TRIO: variants seen among roughly 807,000 people sequenced by gnomAD.
The protein encoded by TRIO is triple functional domain protein.
In TRIO, 58 loss-of-function variants were observed where a neutral mutation model predicts 351.9. The observed-to-expected ratio is 0.16, with a 90% CI of 0.13 to 0.21. TRIO has a LOEUF of 0.21. Among genes scored for constraint, TRIO ranks in the 10% least tolerant of loss-of-function variants. The pLI is 1.00. For synonymous variants in TRIO, 1,758 were observed against 1,595.7 expected (o/e 1.10, Z -2.42); for missense variants, 3,201 against 4,027.8 (o/e 0.79, Z 5.56).
intron 33 of TRIO, among the ~76,000 whole-genome samples, chr5:14,415,746 A>G (rs1370787657): frequency 6.6e-6 from 1 of 152,206 alleles, no homozygotes; most frequent in Non-Finnish European, 1.5e-5. Context: ...TGATTTTGCC[A>G]ATTGTCCATA....
chr5:14,144,016 C>G (rs1787336202), intron 1 of TRIO, 134 bp downstream of exon 1: 8 of 610,656 alleles, frequency 1.3e-5, no homozygotes, highest in Non-Finnish European at 1.5e-5. Context: ...CAGGCTCTCG[C>G]CTGGGACCAC....
intron 12 of TRIO, among the ~76,000 whole-genome samples, 153 bp downstream of exon 12, chr5:14,358,500 G>A (rs1387680059): frequency 6.6e-6 from 1 of 151,742 alleles, no homozygotes; most frequent in Non-Finnish European, 1.5e-5. Flanking sequence ...GAGAGAAACG[G>A]CTCTCTTCTC....
intron 11 of TRIO, among the ~76,000 whole-genome samples, chr5:14,342,191 C>A (rs1741996834): frequency 6.6e-6 from 1 of 152,212 alleles, no homozygotes; most frequent in African/African-American, 2.4e-5. Context: ...TCTCTGGCTT[C>A]TTGGTACGTG....
intron 34 of TRIO, among the ~76,000 whole-genome samples, chr5:14,447,558 A>G (rs538686793): frequency 1.1e-4 from 17 of 152,314 alleles, no homozygotes; most frequent in Non-Finnish European, 1.9e-4. Flanking sequence ...TTTGCCTGGG[A>G]GAGTCTTTTT....
rs1195604532 is a variant in TRIO, at chr5:14,406,816, G to C, written c.4959+144G>C. 1.1e-5 allele frequency: 8 copies of C among 756,342 alleles called. No homozygotes were observed. The Admixed American group carries it at 1.5e-4, about 15-fold the overall frequency. 46.9% of individuals were successfully genotyped at this position (756,342 alleles called of 1,614,324 possible). A position where few individuals can be genotyped will look rare whatever the true frequency, so the allele number is the denominator to read the frequency against. ...GCCAGGAGTGGTGCCAGGATCCCGT[G>C]GTGGGGCAGAGACTTGGGGGATTGG... On this transcript the variant is annotated intron_variant, in intron 33 of 56. Transcript: ENST00000344204.
rs769509085 is a variant in TRIO at position 14,471,448 on chromosome 5, G to A, written c.5894G>A (p.Ser1965Asn). Residue 1965 changes from serine (S) to asparagine (N), a missense_variant, in exon 38 of 57, where the codon AGC (serine) becomes AAC (asparagine). By Grantham distance (46) the Ser-to-Asn change is conservative. Coordinates refer to ENST00000344204, the MANE Select transcript of TRIO (RefSeq NM_007118.4). ...GATGAGATGGAAGAAAGGAAATCCA[G>A]CTCTTTAAAGAGAAGACAGTAAGAC... ...PIDEMEERKS[S>N]SLKRRHYVLQ... The A allele has an allele frequency of 1.2e-6, 2 of 1,614,108 alleles. No individual in the cohort carries two copies. The highest frequency in any genetic ancestry group is 1.7e-6 in the Non-Finnish European group (2 of 1,180,000).
At chr5:14,346,344 G>A (rs368670042) in intron 11 of TRIO, among the ~76,000 whole-genome samples, 7 of 152,300 alleles carry the variant, frequency 4.6e-5, no homozygotes, top group South Asian at 4.1e-4. Context: ...AGAAGCAAAA[G>A]CCCCAAATGG....
intron 45 of TRIO, among the ~76,000 whole-genome samples, chr5:14,482,096 T>G (rs149683537): frequency 4.1e-4 from 62 of 152,368 alleles, no homozygotes; most frequent in African/African-American, 1.4e-3. Flanking sequence ...AACCAGAATC[T>G]TCTTTTAAAA....
At chr5:14,447,640 G>A (rs895292791) in intron 34 of TRIO, among the ~76,000 whole-genome samples, 1 of 152,022 alleles carries the variant, frequency 6.6e-6, no homozygotes, top group Non-Finnish European at 1.5e-5. Context: ...TGCCCCCAAC[G>A]TCTTTGGTAT....
At chr5:14,346,758 A>G (rs1742455520) in intron 11 of TRIO, among the ~76,000 whole-genome samples, 1 of 152,230 alleles carries the variant, frequency 6.6e-6, no homozygotes, top group African/African-American at 2.4e-5. Flanking sequence ...TAGACAAGAA[A>G]GGAAAGTATG....
intron 49 of TRIO, among the ~76,000 whole-genome samples, chr5:14,496,452 C>G (rs1368807184): frequency 2.0e-5 from 3 of 152,196 alleles, no homozygotes; most frequent in Non-Finnish European, 2.9e-5. Flanking sequence ...GCTTGGGAGA[C>G]CAGACTTTTT....
In TRIO at chr5:14,492,655, A is replaced by G. The variant is rs1561556139; in HGVS notation, c.7721A>G (p.Gln2574Arg). 6.2e-7 allele frequency: 1 copy of G among 1,614,108 alleles called. No homozygotes were observed. The highest frequency in any genetic ancestry group is 8.5e-7 in the Non-Finnish European group (1 of 1,180,048). ...AAGGAGGATGAGATCAACGTCTACC[A>G]AGGAGAGGTCGTTCAAATTCTGGCC... Reference protein sequence around the residue: ...AVKEDEINVYQGEVVQILASN... With the variant: ...AVKEDEINVYRGEVVQILASN... The change falls in exon 49 of 57, where the codon CAA (glutamine) becomes CGA (arginine). Residue 2574 changes from glutamine (Q) to arginine (R), a missense_variant. Physicochemically the swap from Gln to Arg is conservative, Grantham distance 43. Coordinates refer to ENST00000344204, the MANE Select transcript of TRIO (RefSeq NM_007118.4).
intron 34 of TRIO, among the ~76,000 whole-genome samples, chr5:14,459,156 G>A (rs1343680339): frequency 6.6e-6 from 1 of 152,154 alleles, no homozygotes; most frequent in Non-Finnish European, 1.5e-5. Context: ...TCTGTGTCTT[G>A]GGCGAAGGAA....
chr5:14,333,828 C>G (rs1462579059), intron 10 of TRIO, among the ~76,000 whole-genome samples: 1 of 152,114 alleles, frequency 6.6e-6, no homozygotes, highest in East Asian at 1.9e-4. Flanking sequence ...CCTGGCCTTA[C>G]CTTATTCCTT....
At chr5:14,425,294 T>A (rs1043019854) in intron 34 of TRIO, among the ~76,000 whole-genome samples, 2 of 152,230 alleles carry the variant, frequency 1.3e-5, no homozygotes, top group African/African-American at 4.8e-5. Context: ...CTGTTGTAGG[T>A]GCCTCATGTG....
intron 9 of TRIO, among the ~76,000 whole-genome samples, chr5:14,318,776 G>A (rs1444729398): frequency 6.6e-6 from 1 of 152,200 alleles, no homozygotes; most frequent in Non-Finnish European, 1.5e-5. Context: ...ATGAAATGTT[G>A]GAGTTTAAAT....
chr5:14,366,894 T>C lies in TRIO; in HGVS notation c.2789T>C (p.Leu930Ser). 6.2e-7 allele frequency: 1 copy of C among 1,614,182 alleles called. No individual in the cohort carries two copies. Among genetic ancestry groups the C allele is most frequent in the Non-Finnish European group, 8.5e-7 (1 of 1,180,034 alleles). Residue 930 changes from leucine (L) to serine (S), a missense_variant, in exon 16 of 57, where the codon TTA becomes TCA. Leu to Ser is a moderately radical substitution (Grantham distance 145, BLOSUM62 -2). This residue lies in a region of TRIO where 363 missense variants were observed against 553.5 expected (regional missense o/e 0.66). Coordinates refer to ENST00000344204, the MANE Select transcript of TRIO (RefSeq NM_007118.4). ...LGWIRNGESM[L>S]NAGLITASSL... The stretch of plus-strand genomic sequence containing the variant: ...TGGATCCGCAACGGAGAGTCCATGT[T>C]AAATGCCGGACTTATCACAGCCAGC...
At chr5:14,158,302 G>A (rs1397282110) in intron 1 of TRIO, among the ~76,000 whole-genome samples, 1 of 152,060 alleles carries the variant, frequency 6.6e-6, no homozygotes, top group Non-Finnish European at 1.5e-5. Flanking sequence ...GTGCACGCCT[G>A]TAGTCCCAGC....
chr5:14,465,744 G>T (rs1462100033), intron 37 of TRIO, 104 bp downstream of exon 37: 10 of 1,314,704 alleles, frequency 7.6e-6, no homozygotes, highest in South Asian at 1.3e-5. Context: ...GCAGAATGTG[G>T]CTGTGGCTTA....
Sources: gnomAD v4.1 joint callset for allele counts (sites outside exome capture counted in the v4.1 genomes callset) on GRCh38, gnomAD v4.1.1 for gene constraint, gnomAD v4.1.1 regional missense constraint, MANE v1.5 for transcripts, NCBI Gene and HGNC (gene_info 2026-07-23, HGNC 2026-07-21) for gene names.